ITPR2: variants seen among roughly 807,000 people sequenced by gnomAD.
ITPR2 encodes the protein inositol 1,4,5-trisphosphate-gated calcium channel ITPR2.
ITPR2 carries 207 observed loss-of-function variants against 317.1 expected under a neutral mutation model. The observed-to-expected ratio is 0.65, with a 90% confidence interval of 0.58 to 0.73. The LOEUF is 0.73. Ranked by LOEUF, ITPR2 falls within the 30% of genes least tolerant of loss-of-function variation. The pLI is 0.00. For synonymous variants in ITPR2, 1,156 were observed against 1,149.1 expected (o/e 1.01, Z -0.12); for missense variants, 2,613 against 3,284.0 (o/e 0.80, Z 4.99).
rs530917356 is a variant in ITPR2, at chr12:26,661,920, T to G, written c.1713+1765A>C. On this transcript the variant is annotated intron_variant, in intron 15 of 56. Coordinates refer to ENST00000381340, the MANE Select transcript of ITPR2 (RefSeq NM_002223.4). Reference sequence around the variant, plus strand: ...TCTTCCAAAAAAATATGAACAACACTATCTACTTCATCTTGCCATCTTAAA... The same window carrying G: ...TCTTCCAAAAAAATATGAACAACACGATCTACTTCATCTTGCCATCTTAAA... 2.6e-5 allele frequency among the ~76,000 whole-genome samples: 4 copies of G among 152,298 alleles called. No homozygotes were observed. The East Asian group carries it at 7.7e-4, about 29-fold the overall frequency.
intron 2 of ITPR2, among the ~76,000 whole-genome samples, chr12:26,731,485 G>A (rs903681288): frequency 1.3e-5 from 2 of 152,106 alleles, no homozygotes; most frequent in Admixed American, 6.6e-5. Flanking sequence ...GGCAGACAAG[G>A]GGCCATTAGC....
intron 9 of ITPR2, among the ~76,000 whole-genome samples, chr12:26,696,327 C>T (rs559937874): frequency 1.3e-5 from 2 of 152,204 alleles, no homozygotes; most frequent in East Asian, 3.9e-4. Flanking sequence ...GTTGATCACT[C>T]GTAAAGCAAT....
intron 37 of ITPR2, among the ~76,000 whole-genome samples, chr12:26,543,832 C>T (rs1944322864): frequency 6.6e-6 from 1 of 152,134 alleles, no homozygotes; most frequent in African/African-American, 2.4e-5. Context: ...TTCTCTTTCC[C>T]TACCCCAATG....
chr12:26,823,361 C>CA (rs920717967), intron 1 of ITPR2, among the ~76,000 whole-genome samples: 3 of 151,908 alleles, frequency 2.0e-5, no homozygotes, highest in African/African-American at 7.3e-5. Context: ...ACACTGAGAG[C>CA]AAAAAAAGTG....
chr12:26,495,013 A>G, intron 38 of ITPR2, 139 bp downstream of exon 38: 1 of 646,716 alleles, frequency 1.5e-6, no homozygotes, highest in Non-Finnish European at 2.7e-6. Context: ...TATGAGCCCC[A>G]AATTGTATGA....
chr12:26,387,169 T>C (rs934837224), intron 55 of ITPR2, among the ~76,000 whole-genome samples: 12 of 152,140 alleles, frequency 7.9e-5, no homozygotes, highest in Non-Finnish European at 1.3e-4. Flanking sequence ...TGAACATAAC[T>C]GAGATGGTGC....
intron 11 of ITPR2, among the ~76,000 whole-genome samples, chr12:26,686,249 T>G (rs999912076): frequency 6.6e-6 from 1 of 152,192 alleles, no homozygotes; most frequent in Admixed American, 6.5e-5. Flanking sequence ...TAAGAATAAA[T>G]GATTCTTATA....
intron 1 of ITPR2, among the ~76,000 whole-genome samples, chr12:26,828,747 C>T (rs531646773): frequency 6.6e-6 from 1 of 152,254 alleles, no homozygotes; most frequent in Non-Finnish European, 1.5e-5. Context: ...GAGATGAGTG[C>T]AAAATACATC....
intron 45 of ITPR2, among the ~76,000 whole-genome samples, chr12:26,444,508 T>G (rs1193976034): frequency 6.6e-6 from 1 of 152,128 alleles, no homozygotes; most frequent in African/African-American, 2.4e-5. Context: ...GCACTAATTC[T>G]AAGCACTTCA....
Position 26,411,281 on chromosome 12 carries a change from A to G in ITPR2, c.7399+39T>C, listed in dbSNP as rs534640202. On this transcript the variant is annotated intron_variant, in intron 52 of 56. Coordinates refer to ENST00000381340, the MANE Select transcript of ITPR2 (RefSeq NM_002223.4). ...ATATTTACTAAATAAAACTTCAAAG[A>G]TATCAAGTTCATACTGACCCAGAGT... The G allele has an allele frequency of 9.0e-6, 12 of 1,336,808 alleles. No homozygotes were observed. The East Asian group carries it at 2.5e-4, about 28-fold the overall frequency. 82.8% of individuals were successfully genotyped at this position (1,336,808 alleles called of 1,614,324 possible).
chr12:26,625,724 G>T (rs1946608373), intron 23 of ITPR2, among the ~76,000 whole-genome samples: 1 of 152,170 alleles, frequency 6.6e-6, no homozygotes, highest in Admixed American at 6.5e-5. Flanking sequence ...TTAAATGAGT[G>T]ATAAATGGGA....
intron 53 of ITPR2, 99 bp from the exon 54 acceptor site, chr12:26,399,140 T>A (rs936375987): frequency 2.3e-6 from 2 of 880,812 alleles, no homozygotes; most frequent in Admixed American, 3.9e-5. Context: ...GAAATGAATA[T>A]AAATAGTATC....
At chr12:26,408,352 T>C (rs543476101) in intron 52 of ITPR2, among the ~76,000 whole-genome samples, 1 of 152,360 alleles carries the variant, frequency 6.6e-6, no homozygotes, top group South Asian at 2.1e-4. Context: ...CTCTCCCGTT[T>C]TCTAAAAATA....
At chr12:26,577,160 G>A (rs1217928896) in intron 34 of ITPR2, among the ~76,000 whole-genome samples, 1 of 152,222 alleles carries the variant, frequency 6.6e-6, no homozygotes, top group Non-Finnish European at 1.5e-5. Flanking sequence ...CAGGTAATCT[G>A]TTATAGCAGT....
intron 45 of ITPR2, among the ~76,000 whole-genome samples, chr12:26,468,017 G>T (rs1207299283): frequency 6.6e-6 from 1 of 152,100 alleles, no homozygotes; most frequent in Non-Finnish European, 1.5e-5. Flanking sequence ...AGCCAGGTCC[G>T]ACATACATGA....
chr12:26,517,272 G>C (rs1367801393), intron 37 of ITPR2, among the ~76,000 whole-genome samples: 1 of 152,026 alleles, frequency 6.6e-6, no homozygotes, highest in Non-Finnish European at 1.5e-5. Context: ...CTACAGAATG[G>C]GAGAAAATAT....
At chr12:26,716,618 T>G (rs1408543142) in intron 5 of ITPR2, among the ~76,000 whole-genome samples, 8 of 152,064 alleles carry the variant, frequency 5.3e-5, no homozygotes, top group Admixed American at 6.6e-5. Context: ...AAGTAATCTA[T>G]CCAAATATTA....
At chr12:26,432,084 C>T (rs984777839) in intron 48 of ITPR2, among the ~76,000 whole-genome samples, 1 of 152,060 alleles carries the variant, frequency 6.6e-6, no homozygotes, top group African/African-American at 2.4e-5. Flanking sequence ...ATGTCAACAC[C>T]TCATATAACT....
chr12:26,511,780 G>A (rs1943353605), intron 37 of ITPR2, among the ~76,000 whole-genome samples: 2 of 152,204 alleles, frequency 1.3e-5, no homozygotes, highest in African/African-American at 4.8e-5. Flanking sequence ...GGACATGCGT[G>A]AGGCCAACGC....
Sources: gnomAD v4.1 joint callset for allele counts (sites outside exome capture counted in the v4.1 genomes callset) on GRCh38, gnomAD v4.1.1 for gene constraint, MANE v1.5 for transcripts, NCBI Gene and HGNC (gene_info 2026-07-23, HGNC 2026-07-21) for gene names.